PPDPFL: variants seen among roughly 807,000 people sequenced by gnomAD.
The protein encoded by PPDPFL is pancreatic progenitor cell differentiation and proliferation factor-like protein.
Under a neutral mutation model 12.6 loss-of-function variants are expected in PPDPFL, and 12 were observed. The observed-to-expected ratio is 0.95, with a 90% CI of 0.61 to 1.54. PPDPFL has a LOEUF of 1.54. Among genes scored for constraint, PPDPFL ranks in the 40% most tolerant of loss-of-function variants. The pLI is 0.00. For missense variants in PPDPFL, 114 were observed against 96.0 expected, an observed-to-expected ratio of 1.19 and a Z score of -0.78; for synonymous variants, 24 against 32.7, an observed-to-expected ratio of 0.73 and a Z score of 0.91.
At chr8:49,073,100 A>C (rs1356934638) in intron 2 of PPDPFL, among the ~76,000 whole-genome samples, 1 of 152,232 alleles carries the variant, frequency 6.6e-6, no homozygotes, top group African/African-American at 2.4e-5. Context: ...AGCCATTGAC[A>C]CTTAAAAATC....
chr8:49,073,810 A>G (rs1161179977), intron 2 of PPDPFL, among the ~76,000 whole-genome samples: 2 of 152,344 alleles, frequency 1.3e-5, no homozygotes, highest in Non-Finnish European at 2.9e-5. Context: ...TAAATTCAAC[A>G]TTGATATCCA....
intron 2 of PPDPFL, among the ~76,000 whole-genome samples, chr8:49,073,198 A>G (rs1808423755): frequency 6.6e-6 from 1 of 151,380 alleles, no homozygotes; most frequent in Admixed American, 6.6e-5. Flanking sequence ...ATAATTTTAC[A>G]TAAATAAAGT....
chr8:49,067,499 T>C (rs1414689675), upstream of PPDPFL, among the ~76,000 whole-genome samples: 2 of 152,246 alleles, frequency 1.3e-5, no homozygotes, highest in African/African-American at 2.4e-5. Flanking sequence ...CAGATATTGA[T>C]CCTCTCATAC....
chr8:49,070,209 A>T (rs1808356458), upstream of PPDPFL, among the ~76,000 whole-genome samples: 1 of 152,116 alleles, frequency 6.6e-6, no homozygotes, highest in Non-Finnish European at 1.5e-5. Flanking sequence ...ACATAGACAC[A>T]TCGAGGGGCA....
rs1808491133 is a variant in PPDPFL, at chr8:49,075,860, A to G, written c.*687A>G. On this transcript the variant is annotated 3_prime_UTR_variant, in exon 5 of 5. Transcript: ENST00000522267. ...ATGGAAAATTATATTATGGCATTAA[A>G]AATTAGCATAATACACCATATATGG... 1.3e-5 allele frequency: 2 copies of G among 153,440 alleles called. No homozygotes were observed. The highest frequency in any genetic ancestry group is 2.9e-5 in the Non-Finnish European group (2 of 68,924). 9.5% of individuals were successfully genotyped at this position (153,440 alleles called of 1,614,324 possible).
intron 1 of PPDPFL, among the ~76,000 whole-genome samples, chr8:49,066,280 T>C (rs1439919289): frequency 6.6e-6 from 1 of 152,222 alleles, no homozygotes; most frequent in Non-Finnish European, 1.5e-5. Context: ...TCCATATCCA[T>C]GAAGCTAGAG....
chr8:49,068,930 A>T (rs1465548674), upstream of PPDPFL, among the ~76,000 whole-genome samples: 1 of 152,206 alleles, frequency 6.6e-6, no homozygotes, highest in East Asian at 1.9e-4. Context: ...TTCAAAAAAC[A>T]GATATCATTA....
At chr8:49,067,349 A>G (rs1327188056), upstream of PPDPFL, among the ~76,000 whole-genome samples, 1 of 152,230 alleles carries the variant, frequency 6.6e-6, no homozygotes, top group African/African-American at 2.4e-5. Flanking sequence ...AGGAGTGACT[A>G]TGCTATGCTT....
intron 1 of PPDPFL, among the ~76,000 whole-genome samples, chr8:49,063,991 G>A (rs1470044551): frequency 1.3e-5 from 2 of 152,250 alleles, no homozygotes; most frequent in East Asian, 3.9e-4. Context: ...AGAGCCTGAG[G>A]TTTTTATGGA....
intron 1 of PPDPFL, 142 bp downstream of exon 1, chr8:49,072,624 A>C: frequency 2.2e-6 from 1 of 446,998 alleles, no homozygotes; most frequent in South Asian, 3.2e-5. Context: ...GCATCTTTTT[A>C]TTGCAGTATA....
chr8:49,064,198 C>G (rs952646274), intron 1 of PPDPFL, among the ~76,000 whole-genome samples: 1 of 152,156 alleles, frequency 6.6e-6, no homozygotes, highest in Non-Finnish European at 1.5e-5. Flanking sequence ...ACAGGACTTT[C>G]TTGGAACTGC....
At chr8:49,064,898 A>C (rs1414612958) in intron 1 of PPDPFL, among the ~76,000 whole-genome samples, 1 of 152,250 alleles carries the variant, frequency 6.6e-6, no homozygotes, top group Admixed American at 6.5e-5. Context: ...TTAAACAAAA[A>C]GAATTTGATA....
intron 1 of PPDPFL, among the ~76,000 whole-genome samples, chr8:49,066,498 C>G (rs1037347273): frequency 6.6e-6 from 1 of 152,076 alleles, no homozygotes; most frequent in Non-Finnish European, 1.5e-5. Context: ...CAATAGCTCT[C>G]AGGACAGAGT....
rs528096043 is a variant in PPDPFL, at chr8:49,074,512, C to G, written c.233+179C>G. Reference sequence around the variant, plus strand: ...CTAACAGAGCTCCCTCCTTGCAGGTCGCTGTCAGGAAGATCATAGCACCCT... The same window carrying G: ...CTAACAGAGCTCCCTCCTTGCAGGTGGCTGTCAGGAAGATCATAGCACCCT... On this transcript the variant is annotated intron_variant, in intron 4 of 4. Coordinates refer to ENST00000522267, the MANE Select transcript of PPDPFL (RefSeq NM_001256597.2). 8.6e-5 allele frequency: 132 copies of G among 1,537,752 alleles called. No homozygotes were observed. In the South Asian group the frequency reaches 1.5e-3, roughly 17 times the overall value.
At chr8:49,059,914 A>G (rs1047632891) in intron 1 of PPDPFL, among the ~76,000 whole-genome samples, 14 of 152,300 alleles carry the variant, frequency 9.2e-5, no homozygotes, top group Non-Finnish European at 1.8e-4. Context: ...TGAAACTTAT[A>G]AAGATATATT....
chr8:49,059,074 C>T (rs1808155421), intron 1 of PPDPFL, among the ~76,000 whole-genome samples: 1 of 152,204 alleles, frequency 6.6e-6, no homozygotes, highest in Non-Finnish European at 1.5e-5. Context: ...AGAACAGTGT[C>T]TGTGGCACCC....
chr8:49,054,852 A>G (rs1226069282), intron 1 of PPDPFL, among the ~76,000 whole-genome samples: 1 of 152,144 alleles, frequency 6.6e-6, no homozygotes, highest in Non-Finnish European at 1.5e-5. Flanking sequence ...ATATGTGTCA[A>G]TATGTTCTCT....
intron 1 of PPDPFL, among the ~76,000 whole-genome samples, chr8:49,057,485 G>A (rs952488473): frequency 3.9e-5 from 6 of 152,086 alleles, no homozygotes; most frequent in African/African-American, 1.4e-4. Flanking sequence ...AATAATATGA[G>A]TGAGTTTGCA....
intron 4 of PPDPFL, 144 bp from the exon 5 acceptor site, chr8:49,075,008 A>G: frequency 2.1e-6 from 3 of 1,402,160 alleles, no homozygotes; most frequent in Non-Finnish European, 2.9e-6. Context: ...ATCATTATTT[A>G]AAGTATTTTT....
Sources: gnomAD v4.1 joint callset for allele counts (sites outside exome capture counted in the v4.1 genomes callset) on GRCh38, gnomAD v4.1.1 for gene constraint, MANE v1.5 for transcripts, NCBI Gene and HGNC (gene_info 2026-07-23, HGNC 2026-07-21) for gene names.